The following WIPF3 variants were observed in gnomAD, a reference collection of about 807,000 sequenced individuals.
WIPF3 encodes the protein WAS/WASL interacting protein family member 3.
WIPF3 carries 33 observed loss-of-function variants against 38.9 expected under a neutral mutation model. The ratio of observed to expected loss-of-function variants is 0.85; its 90% confidence interval spans 0.64 to 1.14. The LOEUF (loss-of-function observed/expected upper bound fraction) is 1.14, where lower values mean the gene tolerates loss of function less well. Ranked by LOEUF, WIPF3 falls within the 50% of genes most tolerant of loss-of-function variation. The pLI is 0.00. For synonymous variants in WIPF3, 324 were observed against 269.3 expected, an observed-to-expected ratio of 1.20 and a Z score of -1.99; for missense variants, 711 against 652.5, an observed-to-expected ratio of 1.09 and a Z score of -0.98.
chr7:29,866,548 CATTTTA>C (rs1266672559), intron 2 of WIPF3, among the ~76,000 whole-genome samples: 2 of 152,234 alleles, frequency 1.3e-5, no homozygotes, highest in Non-Finnish European at 2.9e-5. Flanking sequence ...GTGCACTTTC[CATTTTA>C]AGTGCTTTCA....
intron 2 of WIPF3, among the ~76,000 whole-genome samples, chr7:29,847,355 T>C (rs1409815700): frequency 6.6e-6 from 1 of 152,074 alleles, no homozygotes; most frequent in African/African-American, 2.4e-5. Context: ...AGCCCAAAAA[T>C]AGGTGGTATG....
At chr7:29,906,986 T>C (rs1786410246) in intron 8 of WIPF3, among the ~76,000 whole-genome samples, 1 of 152,114 alleles carries the variant, frequency 6.6e-6, no homozygotes, top group South Asian at 2.1e-4. Context: ...CTGAGGGAGT[T>C]TGTTACCACT....
intron 4 of WIPF3, among the ~76,000 whole-genome samples, chr7:29,881,076 G>A (rs1562784659): frequency 1.3e-5 from 2 of 152,286 alleles, no homozygotes; most frequent in African/African-American, 2.4e-5. Context: ...AGGTGTCCAC[G>A]TGGCTCAGTC....
chr7:29,824,770 C>T (rs1163564858), intron 1 of WIPF3, among the ~76,000 whole-genome samples: 2 of 151,972 alleles, frequency 1.3e-5, no homozygotes, highest in East Asian at 1.9e-4. Flanking sequence ...AGTGATGTGC[C>T]GGCTGCCTCA....
At chr7:29,889,547 A>G in intron 7 of WIPF3, 140 bp downstream of exon 7, 1 of 655,576 alleles carries the variant, frequency 1.5e-6, no homozygotes, top group Non-Finnish European at 2.7e-6. Flanking sequence ...AGTGCTGTGC[A>G]TAGTTCTGGA....
chr7:29,900,011 C>T (rs1157241545), intron 7 of WIPF3, among the ~76,000 whole-genome samples: 1 of 152,164 alleles, frequency 6.6e-6, no homozygotes, highest in Non-Finnish European at 1.5e-5. Context: ...AATCTTGTCT[C>T]ACTGCAGCCT....
chr7:29,893,657 T>C (rs1418283276), intron 7 of WIPF3, among the ~76,000 whole-genome samples: 1 of 152,174 alleles, frequency 6.6e-6, no homozygotes, highest in African/African-American at 2.4e-5. Flanking sequence ...ATCAAGAATG[T>C]ATACTGTTTT....
intron 2 of WIPF3, among the ~76,000 whole-genome samples, chr7:29,855,288 G>A (rs924166801): frequency 3.3e-5 from 5 of 152,174 alleles, no homozygotes; most frequent in Non-Finnish European, 5.9e-5. Context: ...TGTTTTGGTC[G>A]TACTTGCTTT....
intron 2 of WIPF3, among the ~76,000 whole-genome samples, chr7:29,836,883 A>C (rs1784812129): frequency 6.6e-6 from 1 of 152,014 alleles, no homozygotes; most frequent in Admixed American, 6.6e-5. Context: ...CCAGCTACTC[A>C]GGAGGCTGTG....
intron 5 of WIPF3, among the ~76,000 whole-genome samples, chr7:29,887,478 C>T (rs1350950750): frequency 1.3e-5 from 2 of 152,120 alleles, no homozygotes; most frequent in Non-Finnish European, 2.9e-5. Context: ...TCAGAGAAGG[C>T]TGGAGGAAGT....
intron 7 of WIPF3, among the ~76,000 whole-genome samples, chr7:29,898,882 C>A (rs1446790231): frequency 6.6e-6 from 1 of 152,146 alleles, no homozygotes; most frequent in Non-Finnish European, 1.5e-5. Flanking sequence ...ATCCATGTGA[C>A]CGTCTCCCTA....
intron 2 of WIPF3, among the ~76,000 whole-genome samples, chr7:29,859,513 G>T (rs1466071937): frequency 6.6e-6 from 1 of 152,122 alleles, no homozygotes; most frequent in Non-Finnish European, 1.5e-5. Flanking sequence ...TGTTTTGTTT[G>T]GGTGTGGGGA....
intron 7 of WIPF3, among the ~76,000 whole-genome samples, chr7:29,897,229 A>G (rs1473725127): frequency 1.3e-5 from 2 of 152,184 alleles, no homozygotes; most frequent in African/African-American, 4.8e-5. Flanking sequence ...TTATCCATTA[A>G]TCTGTTGATA....
chr7:29,903,598 G>T (rs10224187), intron 7 of WIPF3, among the ~76,000 whole-genome samples: 4,844 of 152,230 alleles, frequency 0.032, 96 homozygotes, highest in Middle Eastern at 0.1. Context: ...ACCAGTTGAA[G>T]GGAGAGTTCT....
chr7:29,811,343 G>A (rs1212506523), intron 1 of WIPF3, among the ~76,000 whole-genome samples: 1 of 152,098 alleles, frequency 6.6e-6, no homozygotes, highest in Non-Finnish European at 1.5e-5. Flanking sequence ...TCCATAAAGT[G>A]TTCAAGGAGT....
intron 2 of WIPF3, among the ~76,000 whole-genome samples, chr7:29,855,959 C>G (rs1785181496): frequency 6.6e-6 from 1 of 152,158 alleles, no homozygotes; most frequent in South Asian, 2.1e-4. Context: ...ATCTGAAATT[C>G]AGATTTAACT....
chr7:29,809,357 A>T (rs922412169), intron 1 of WIPF3, among the ~76,000 whole-genome samples: 1 of 152,226 alleles, frequency 6.6e-6, no homozygotes, highest in African/African-American at 2.4e-5. Flanking sequence ...GCCCAGTGCC[A>T]TCGAGCATGG....
chr7:29,850,213 G>T (rs1471086420), intron 2 of WIPF3, among the ~76,000 whole-genome samples: 4 of 152,050 alleles, frequency 2.6e-5, no homozygotes, highest in Non-Finnish European at 4.4e-5. Flanking sequence ...TCTAGTTTTT[G>T]TTCTAAAAAA....
intron 2 of WIPF3, among the ~76,000 whole-genome samples, chr7:29,863,275 T>C (rs1167369155): frequency 6.6e-6 from 1 of 152,210 alleles, no homozygotes; most frequent in Non-Finnish European, 1.5e-5. Flanking sequence ...GCTCTTCCTT[T>C]ATTATCATTA....
Sources: gnomAD v4.1 joint callset for allele counts (sites outside exome capture counted in the v4.1 genomes callset) on GRCh38, gnomAD v4.1.1 for gene constraint, MANE v1.5 for transcripts, NCBI Gene and HGNC (gene_info 2026-07-23, HGNC 2026-07-21) for gene names.